Variants in UBE2K observed in about 807,000 individuals in gnomAD.
UBE2K encodes the protein ubiquitin-conjugating enzyme E2 K.
Under a neutral mutation model 30.0 loss-of-function variants are expected in UBE2K, and 6 were observed. The ratio of observed to expected loss-of-function variants is 0.20; its 90% confidence interval spans 0.11 to 0.39. The LOEUF (loss-of-function observed/expected upper bound fraction) is 0.39, where lower values mean the gene tolerates loss of function less well. Ranked by LOEUF, UBE2K falls within the 10% of genes least tolerant of loss-of-function variation. The pLI is 1.00. For missense variants in UBE2K, 61 were observed against 241.6 expected (o/e 0.25, Z 4.96); for synonymous variants, 86 against 83.7 (o/e 1.03, Z -0.15).
intron 4 of UBE2K, among the ~76,000 whole-genome samples, chr4:39,758,323 T>TC (rs1711633288): frequency 6.6e-6 from 1 of 152,158 alleles, no homozygotes; most frequent in Admixed American, 6.6e-5. Flanking sequence ...TTAGTCTGCC[T>TC]CCCTGCTTCT....
chr4:39,766,966 G>A (rs1281600331), intron 4 of UBE2K, among the ~76,000 whole-genome samples: 4 of 152,114 alleles, frequency 2.6e-5, no homozygotes, highest in Non-Finnish European at 5.9e-5. Flanking sequence ...GGCCAGGCTG[G>A]TCTCGAACTC....
intron 3 of UBE2K, among the ~76,000 whole-genome samples, chr4:39,747,558 A>G (rs565425404): frequency 6.6e-6 from 1 of 152,200 alleles, no homozygotes; most frequent in Non-Finnish European, 1.5e-5. Context: ...CTCCATTATA[A>G]GTATAGACCA....
rs987241195 is a variant in UBE2K at position 39,770,218 on chromosome 4, A to G, written c.300-4616A>G. On this transcript the variant is annotated intron_variant, in intron 4 of 6. Transcript: ENST00000261427. ...CGCATGTCGCAGTAGGAGCAGCGGT[A>G]GGGCTGCGCTCCCGAGTGCAGGTTG... 4.2e-5 allele frequency: 68 copies of G among 1,611,412 alleles called. 1 individual carries two copies. The African/African-American group carries it at 8.3e-4, about 20-fold the overall frequency.
chr4:39,751,916 G>A (rs1254742131), intron 3 of UBE2K, among the ~76,000 whole-genome samples: 11 of 152,022 alleles, frequency 7.2e-5, no homozygotes, highest in African/African-American at 2.2e-4. Context: ...GCAGTGAACC[G>A]AGATCGCACC....
chr4:39,724,262 C>T (rs936348088), intron 1 of UBE2K, among the ~76,000 whole-genome samples: 1 of 151,948 alleles, frequency 6.6e-6, no homozygotes, highest in Non-Finnish European at 1.5e-5. Context: ...CACGCACCAC[C>T]ACACCTGGCT....
intron 1 of UBE2K, among the ~76,000 whole-genome samples, chr4:39,723,819 A>G (rs929529466): frequency 6.6e-6 from 1 of 152,192 alleles, no homozygotes; most frequent in African/African-American, 2.4e-5. Context: ...TTTTTAAAAA[A>G]TATATTTTTT....
intron 4 of UBE2K, chr4:39,770,705 CAGCTCCCCAAGGT>C (rs1712739721): frequency 1.9e-6 from 3 of 1,572,044 alleles, no homozygotes; most frequent in Admixed American, 1.8e-5. Flanking sequence ...TGCTCTGGGC[CAGCTCCCCAAGGT>C]GGCCACCCAC....
chr4:39,762,963 T>TTTTTTG (rs1275435847), intron 4 of UBE2K, among the ~76,000 whole-genome samples: 1 of 124,872 alleles, frequency 8.0e-6, no homozygotes, highest in African/African-American at 3.0e-5. Context: ...TTTTTTTTTT[T>TTTTTTG]GGAGACTGTC....
chr4:39,771,141 G>T (rs1005093092), intron 4 of UBE2K: 1 of 1,612,548 alleles, frequency 6.2e-7, no homozygotes. Context: ...AGTTGACGAT[G>T]TCCCTAACAG....
At chr4:39,771,007 A>C in intron 4 of UBE2K, 1 of 1,611,182 alleles carries the variant, frequency 6.2e-7, no homozygotes, top group African/African-American at 1.3e-5. Context: ...GACGCTGCTC[A>C]CAAGGCTAGC....
intron 2 of UBE2K, among the ~76,000 whole-genome samples, chr4:39,739,941 G>A (rs988780083): frequency 1.3e-5 from 2 of 152,058 alleles, no homozygotes; most frequent in Admixed American, 6.6e-5. Context: ...TAGTTCATAC[G>A]AGCCATTTCT....
At chr4:39,771,301 C>T in intron 4 of UBE2K, 1 of 1,611,980 alleles carries the variant, frequency 6.2e-7, no homozygotes, top group Admixed American at 1.7e-5. Flanking sequence ...GACCTTGTGG[C>T]CTCGAAACTT....
chr4:39,775,055 T>C (rs966907472), intron 5 of UBE2K, 122 bp downstream of exon 5: 7 of 518,292 alleles, frequency 1.4e-5, no homozygotes, highest in African/African-American at 5.8e-5. Context: ...TGGTTTTCTT[T>C]CTTGTGGTAG....
intron 1 of UBE2K, among the ~76,000 whole-genome samples, chr4:39,703,613 C>G (rs2109302527): frequency 6.6e-6 from 1 of 152,026 alleles, no homozygotes; most frequent in Admixed American, 6.6e-5. Flanking sequence ...CTTTGGGAGG[C>G]CTAGGCAGGT....
chr4:39,747,886 C>CT, intron 3 of UBE2K, among the ~76,000 whole-genome samples: 1 of 151,824 alleles, frequency 6.6e-6, no homozygotes, highest in South Asian at 2.1e-4. Flanking sequence ...ACTGCAACCT[C>CT]TGTCTCCTGG....
intron 3 of UBE2K, among the ~76,000 whole-genome samples, chr4:39,752,462 G>A (rs1343386709): frequency 2.0e-5 from 3 of 147,822 alleles, no homozygotes; most frequent in Non-Finnish European, 4.5e-5. Flanking sequence ...TCAGCCTCCC[G>A]AGTAGCTGGG....
intron 1 of UBE2K, among the ~76,000 whole-genome samples, chr4:39,723,451 C>T (rs151143631): frequency 1.3e-3 from 197 of 149,728 alleles, no homozygotes; most frequent in Middle Eastern, 3.5e-3. Context: ...TCACTGCAAG[C>T]TCTGCCTCCC....
intron 1 of UBE2K, among the ~76,000 whole-genome samples, chr4:39,725,660 G>C (rs1719713757): frequency 6.6e-6 from 1 of 152,164 alleles, no homozygotes; most frequent in Admixed American, 6.6e-5. Context: ...AATTACTTCA[G>C]AATGGCTACT....
intron 1 of UBE2K, among the ~76,000 whole-genome samples, chr4:39,698,941 G>A (rs1356345312): frequency 6.6e-6 from 1 of 152,162 alleles, no homozygotes; most frequent in African/African-American, 2.4e-5. Flanking sequence ...TTCTTAGTTG[G>A]GTGTTAGGAG....
Sources: gnomAD v4.1 joint callset for allele counts (sites outside exome capture counted in the v4.1 genomes callset) on GRCh38, gnomAD v4.1.1 for gene constraint, MANE v1.5 for transcripts, NCBI Gene and HGNC (gene_info 2026-07-23, HGNC 2026-07-21) for gene names.